PTPRG: variants seen among roughly 807,000 people sequenced by gnomAD.
PTPRG encodes protein tyrosine phosphatase receptor type G.
In PTPRG, 102 loss-of-function variants were observed where a neutral mutation model predicts 165.3. The ratio of observed to expected loss-of-function variants is 0.62; its 90% confidence interval spans 0.53 to 0.73. The LOEUF is 0.73. Among genes scored for constraint, PTPRG ranks in the 30% least tolerant of loss-of-function variants. PTPRG has a pLI of 0.00. For missense variants in PTPRG, 1,866 were observed against 1,861.4 expected, an observed-to-expected ratio of 1.00 and a Z score of -0.05; for synonymous variants, 675 against 669.5, an observed-to-expected ratio of 1.01 and a Z score of -0.13.
intron 2 of PTPRG, among the ~76,000 whole-genome samples, chr3:61,970,796 C>A (rs942115985): frequency 6.7e-6 from 1 of 150,210 alleles, no homozygotes; most frequent in African/African-American, 2.4e-5. Context: ...AAGAATCACC[C>A]AATAAAGGAA....
chr3:62,218,885 T>G lies in PTPRG; in HGVS notation c.2190T>G (p.Pro730=). 3 of 1,614,010 alleles carry G rather than the reference T, an allele frequency of 1.9e-6. No individual in the cohort carries two copies. The highest frequency in any genetic ancestry group is 2.5e-6 in the Non-Finnish European group (3 of 1,179,910). Residue 730 remains proline, a synonymous_variant, in exon 13 of 30, where the codon CCT becomes CCG. Coordinates refer to ENST00000474889, the MANE Select transcript of PTPRG (RefSeq NM_002841.4). ...ACACCTCTGGAATGATAAGCCGCCCTGCTCCAGGGAGGATGGAGTGGATCA... is the reference window on the plus strand; with the variant it reads ...ACACCTCTGGAATGATAAGCCGCCCGGCTCCAGGGAGGATGGAGTGGATCA... ...EKNTSGMISR[P]APGRMEWIIP...
chr3:62,164,403 G>A (rs546175014), intron 7 of PTPRG, among the ~76,000 whole-genome samples: 1 of 152,320 alleles, frequency 6.6e-6, no homozygotes, highest in African/African-American at 2.4e-5. Flanking sequence ...AAGCATGCCA[G>A]TTGCCAAAGA....
At chr3:61,958,236 C>T (rs2040078068) in intron 2 of PTPRG, among the ~76,000 whole-genome samples, 1 of 152,058 alleles carries the variant, frequency 6.6e-6, no homozygotes, top group Non-Finnish European at 1.5e-5. Context: ...AAACGTTTCT[C>T]CTGTCTCAGT....
At chr3:62,208,565 C>T (rs896325722) in intron 12 of PTPRG, among the ~76,000 whole-genome samples, 4 of 152,058 alleles carry the variant, frequency 2.6e-5, no homozygotes, top group East Asian at 1.9e-4. Context: ...CTTCAGGGGT[C>T]GGCATACCAC....
intron 15 of PTPRG, among the ~76,000 whole-genome samples, chr3:62,247,621 A>G (rs1350667540): frequency 6.6e-6 from 1 of 152,114 alleles, no homozygotes; most frequent in African/African-American, 2.4e-5. Flanking sequence ...CAACTCAGCA[A>G]GACATCCATT....
At chr3:61,986,198 T>G (rs1383710238) in intron 2 of PTPRG, among the ~76,000 whole-genome samples, 5 of 150,906 alleles carry the variant, frequency 3.3e-5, no homozygotes, top group Non-Finnish European at 2.9e-5. Flanking sequence ...CAGTTCTCTC[T>G]TCTTTCAATT....
At chr3:62,248,337 A>G (rs1701336434) in intron 15 of PTPRG, among the ~76,000 whole-genome samples, 1 of 152,158 alleles carries the variant, frequency 6.6e-6, no homozygotes. Context: ...TTGACTCAAT[A>G]TATTTCACTA....
chr3:62,147,657 T>G (rs1288773712), intron 6 of PTPRG, among the ~76,000 whole-genome samples: 3 of 152,232 alleles, frequency 2.0e-5, no homozygotes, highest in Non-Finnish European at 4.4e-5. Context: ...TTGTTTGTTA[T>G]TTAAAATATA....
At chr3:62,282,215 C>T (rs1702475707) in intron 27 of PTPRG, among the ~76,000 whole-genome samples, 1 of 151,668 alleles carries the variant, frequency 6.6e-6, no homozygotes, top group Non-Finnish European at 1.5e-5. Flanking sequence ...TTGACTAAGC[C>T]AAATGAATTG....
chr3:62,188,426 C>G (rs1463388721), intron 8 of PTPRG, among the ~76,000 whole-genome samples: 4 of 152,252 alleles, frequency 2.6e-5, no homozygotes, highest in African/African-American at 9.6e-5. Context: ...TATTCTATTT[C>G]TATCAATTGT....
rs551863715 is a variant in PTPRG at position 61,671,017 on chromosome 3, A to C, written c.86-77861A>C. ...ATATGATTCAATTTGAGAACATGGT[A>C]GTGCCCATTTCCAAGCTGTCACAGA... On this transcript the variant is annotated intron_variant, in intron 1 of 29. Coordinates refer to ENST00000474889, the MANE Select transcript of PTPRG (RefSeq NM_002841.4). Among the ~76,000 whole-genome samples the C allele has an allele frequency of 2.0e-5, 3 of 152,088 alleles. No homozygotes were observed. In the East Asian group the frequency reaches 5.8e-4, roughly 29 times the overall value.
chr3:62,084,691 C>G lies in PTPRG; in HGVS notation c.615+6433C>G, dbSNP rs904860735. Reference sequence around the variant, plus strand: ...AGGGCTGGCGAGGAAGCCTTTCTCTCCACTTCCCTGCATTTCACCTTCCCC... The same window carrying G: ...AGGGCTGGCGAGGAAGCCTTTCTCTGCACTTCCCTGCATTTCACCTTCCCC... On this transcript the variant is annotated intron_variant, in intron 5 of 29. Transcript: ENST00000474889. Among the ~76,000 whole-genome samples the G allele has an allele frequency of 6.6e-5, 10 of 152,286 alleles. No homozygotes were observed. The South Asian group carries it at 8.3e-4, about 13-fold the overall frequency.
intron 5 of PTPRG, among the ~76,000 whole-genome samples, chr3:62,112,191 G>A (rs944536772): frequency 2.0e-5 from 3 of 151,844 alleles, no homozygotes; most frequent in South Asian, 2.1e-4. Context: ...TGCAACCTCT[G>A]CCTCCCAGAT....
At chr3:62,149,001 T>C (rs1352562653) in intron 6 of PTPRG, among the ~76,000 whole-genome samples, 2 of 152,056 alleles carry the variant, frequency 1.3e-5, no homozygotes, top group Non-Finnish European at 2.9e-5. Flanking sequence ...AAAACTAGTG[T>C]CTTTGAGACC....
intron 2 of PTPRG, among the ~76,000 whole-genome samples, chr3:61,894,301 C>CAAAAAAA (rs767479285): frequency 0.01 from 515 of 49,832 alleles, 67 homozygotes; most frequent in African/African-American, 0.014. Context: ...GACTCTGTGT[C>CAAAAAAA]AAAAAAAAAA....
intron 2 of PTPRG, among the ~76,000 whole-genome samples, chr3:61,833,098 C>CGTGTGTGTGTGTGT (rs1559638079): frequency 5.2e-5 from 5 of 97,048 alleles, no homozygotes; most frequent in African/African-American, 3.2e-4. Flanking sequence ...TGTGTGTGTA[C>CGTGTGTGTGTGTGT]ACAGTTTCTT....
At chr3:61,639,420 A>G (rs1486962636) in intron 1 of PTPRG, among the ~76,000 whole-genome samples, 1 of 152,112 alleles carries the variant, frequency 6.6e-6, no homozygotes, top group Non-Finnish European at 1.5e-5. Context: ...TGAATTTTAG[A>G]ATAGTTTTTG....
chr3:62,225,342 T>C (rs1328669399), intron 13 of PTPRG, among the ~76,000 whole-genome samples: 1 of 152,132 alleles, frequency 6.6e-6, no homozygotes, highest in Non-Finnish European at 1.5e-5. Flanking sequence ...CTTTTTGATT[T>C]ACATAATTTG....
Position 61,605,104 on chromosome 3 carries a change from C to T in PTPRG, c.85+42732C>T, listed in dbSNP as rs117203549. ...ATCTGATAAACTGGCATCTCCCATT[C>T]GCTATCCTTCTCTTTGCTGGAGGAT... On this transcript the variant is annotated intron_variant, in intron 1 of 29. Transcript: ENST00000474889. 1.6e-4 allele frequency among the ~76,000 whole-genome samples: 24 copies of T among 152,286 alleles called. No individual in the cohort carries two copies. In the East Asian group the frequency reaches 3.3e-3, roughly 21 times the overall value.
Sources: allele counts gnomAD v4.1 joint callset (sites outside exome capture counted in the v4.1 genomes callset), GRCh38; gene constraint gnomAD v4.1.1; transcripts MANE v1.5; gene names NCBI Gene and HGNC (gene_info 2026-07-23, HGNC 2026-07-21).